The following TIAL1 variants were observed in gnomAD, a reference collection of about 807,000 sequenced individuals.
The protein encoded by TIAL1 is TIA1 cytotoxic granule associated RNA binding protein like 1, also known as nucleolysin TIAR.
In TIAL1, 7 loss-of-function variants were observed where a neutral mutation model predicts 59.7. The observed-to-expected ratio is 0.12, with a 90% CI of 0.07 to 0.22. The LOEUF is 0.22. Ranked by LOEUF, TIAL1 falls within the 10% of genes least tolerant of loss-of-function variation. The probability of loss-of-function intolerance (pLI) is 1.00; values close to 1 mark genes in which losing one functional copy is unlikely to be tolerated. For missense variants in TIAL1, 225 were observed against 462.5 expected, an observed-to-expected ratio of 0.49 and a Z score of 4.71; for synonymous variants, 149 against 146.3, an observed-to-expected ratio of 1.02 and a Z score of -0.13.
chr10:119,588,108 C>A, intron 2 of TIAL1, 44 bp downstream of exon 2: 1 of 1,161,500 alleles, frequency 8.6e-7, no homozygotes, highest in Admixed American at 2.5e-5. Context: ...TGCTAATCAA[C>A]CCATCATGCT....
chr10:119,579,791 C>A, intron 6 of TIAL1, 144 bp downstream of exon 6: 1 of 561,152 alleles, frequency 1.8e-6, no homozygotes, highest in Non-Finnish European at 3.0e-6. Context: ...AAATTATACT[C>A]TATTATTAAA....
chr10:119,577,415 A>G (rs762841448), intron 9 of TIAL1, 36 bp downstream of exon 9: 12 of 1,561,330 alleles, frequency 7.7e-6, no homozygotes, highest in Non-Finnish European at 9.7e-6. Context: ...TGAATCAAAT[A>G]TAAGAGTAAT....
intron 1 of TIAL1, among the ~76,000 whole-genome samples, chr10:119,594,173 T>C (rs1277502759): frequency 6.6e-6 from 1 of 152,144 alleles, no homozygotes; most frequent in Non-Finnish European, 1.5e-5. Context: ...AAGATGTTTA[T>C]TTATTCATAT....
intron 1 of TIAL1, chr10:119,593,477 T>G (rs1845993069): frequency 1.0e-6 from 1 of 985,720 alleles, no homozygotes; most frequent in Admixed American, 6.1e-5. Flanking sequence ...CATATTGTTT[T>G]CTGAAGATAG....
chr10:119,576,570 G>C (rs1464345888), intron 11 of TIAL1, 41 bp downstream of exon 11: 24 of 1,603,338 alleles, frequency 1.5e-5, no homozygotes, highest in Non-Finnish European at 2.0e-5. Context: ...TATTTTGTCA[G>C]AACCATACGT....
chr10:119,579,175 C>CA lies in TIAL1; in HGVS notation c.448-342dup, dbSNP rs201199661. On this transcript the variant is annotated intron_variant, in intron 6 of 11. Coordinates refer to ENST00000436547, the MANE Select transcript of TIAL1 (RefSeq NM_003252.4). ...AACCCAAGTGAAACCATGTCTCTACCAAAAATATAAAAATGAGCTGGGTGT... is the reference window on the plus strand; with the variant it reads ...AACCCAAGTGAAACCATGTCTCTACCAAAAAATATAAAAATGAGCTGGGTGT... Among the ~76,000 whole-genome samples, 1,191 of 151,918 alleles carry CA rather than the reference C, an allele frequency of 7.8e-3. 23 individuals are homozygous for CA. Among genetic ancestry groups the CA allele is most frequent in the African/African-American group, 0.028 (1,148 of 41,452 alleles).
chr10:119,574,308 C>G lies in TIAL1; in HGVS notation c.*1357G>C, dbSNP rs1844849771. On this transcript the variant is annotated 3_prime_UTR_variant, in exon 12 of 12. Coordinates refer to ENST00000436547, the MANE Select transcript of TIAL1 (RefSeq NM_003252.4). ...AAGCCTCTGCTCAGGCTTATTATACCATGCACACTGCCCACAAGGAAAAAA... is the reference window on the plus strand; with the variant it reads ...AAGCCTCTGCTCAGGCTTATTATACGATGCACACTGCCCACAAGGAAAAAA... 1 of 152,130 alleles carries G rather than the reference C, an allele frequency of 6.6e-6. No individual in the cohort carries two copies. Among genetic ancestry groups the G allele is most frequent in the African/African-American group, 2.4e-5 (1 of 41,498 alleles). The allele number at this position is 152,130 out of a possible 1,614,324, so 9.4% of individuals were successfully genotyped here.
chr10:119,582,242 T>C lies in TIAL1; in HGVS notation c.229-19A>G, dbSNP rs1202228198. 1 of 1,560,872 alleles carries C rather than the reference T, an allele frequency of 6.4e-7. No individual in the cohort carries two copies. Among genetic ancestry groups the C allele is most frequent in the South Asian group, 1.2e-5 (1 of 83,094 alleles). On this transcript the variant is annotated intron_variant, in intron 3 of 11. Transcript: ENST00000436547. This position sits in a 1 kb window ranked among gnomAD's most constrained non-coding sequence, Gnocchi z 5.1. ...TGACCTCCTAAAAATAAAGATTATA[T>C]TTAATAAAATTATTAGGCATGTCAT...
At chr10:119,589,098 G>C (rs1845720359) in intron 1 of TIAL1, among the ~76,000 whole-genome samples, 1 of 152,130 alleles carries the variant, frequency 6.6e-6, no homozygotes, top group Non-Finnish European at 1.5e-5. Flanking sequence ...TTGTTGTTTT[G>C]TTTTTGGCTG....
intron 6 of TIAL1, 93 bp from the exon 7 acceptor site, chr10:119,578,927 A>G: frequency 1.1e-6 from 1 of 896,120 alleles, no homozygotes; most frequent in South Asian, 1.5e-5. Flanking sequence ...CTGGTTCCAT[A>G]CAAATCAGTA....
Position 119,596,825 on chromosome 10 carries a change from C to T in TIAL1, c.-360G>A. On this transcript the variant is annotated 5_prime_UTR_variant, in exon 1 of 12. Transcript: ENST00000436547. Reference sequence around the variant, plus strand: ...AGGAAACCCTGGGACCCGCTCACGACGGATCACGTCGTCGCTGTGGGCCTC... The same window carrying T: ...AGGAAACCCTGGGACCCGCTCACGATGGATCACGTCGTCGCTGTGGGCCTC... 3.4e-6 allele frequency: 1 copy of T among 289,870 alleles called. No homozygotes were observed. The highest frequency in any genetic ancestry group is 6.6e-6 in the Non-Finnish European group (1 of 150,854). The allele number at this position is 289,870 out of a possible 1,614,324, so 18.0% of individuals were successfully genotyped here.
At chr10:119,595,452 AG>A (rs1846118470) in intron 1 of TIAL1, among the ~76,000 whole-genome samples, 1 of 151,046 alleles carries the variant, frequency 6.6e-6, no homozygotes, top group African/African-American at 2.4e-5. Flanking sequence ...AAAAAAAAAA[AG>A]ATGCAGAGAA....
intron 1 of TIAL1, among the ~76,000 whole-genome samples, chr10:119,589,622 G>GT (rs1000660400): frequency 2.4e-4 from 37 of 151,894 alleles, no homozygotes; most frequent in African/African-American, 8.0e-4. Context: ...AAAAATTTGG[G>GT]TTTTTTTTCC....
intron 2 of TIAL1, among the ~76,000 whole-genome samples, chr10:119,584,976 A>T (rs1006504180): frequency 1.3e-5 from 2 of 151,776 alleles, no homozygotes; most frequent in African/African-American, 4.8e-5. Flanking sequence ...AAAAAATATT[A>T]GCTGGGCATG....
chr10:119,580,264 AG>A (rs1480693557), intron 5 of TIAL1: 3 of 410,822 alleles, frequency 7.3e-6, no homozygotes, highest in Non-Finnish European at 1.3e-5. Flanking sequence ...TCAAATTTGA[AG>A]ATTAATAGGA....
chr10:119,590,862 T>C (rs1589883366), intron 1 of TIAL1, among the ~76,000 whole-genome samples: 1 of 151,778 alleles, frequency 6.6e-6, no homozygotes, highest in Non-Finnish European at 1.5e-5. Flanking sequence ...TTATGCTCCT[T>C]GCCTAAAGGG....
At chr10:119,583,424 T>A (rs1419295779) in intron 2 of TIAL1, among the ~76,000 whole-genome samples, 1 of 152,198 alleles carries the variant, frequency 6.6e-6, no homozygotes, top group African/African-American at 2.4e-5. Flanking sequence ...TAGTACTACC[T>A]AAGCTATAGC....
At chr10:119,578,140 G>A (rs1201385909) in intron 7 of TIAL1, among the ~76,000 whole-genome samples, 1 of 144,520 alleles carries the variant, frequency 6.9e-6, no homozygotes, top group South Asian at 2.2e-4. Flanking sequence ...CAGGAGAATC[G>A]CTTGAACCTG....
At chr10:119,575,865 A>T (rs1844963859) in intron 11 of TIAL1, 74 bp from the exon 12 acceptor site, 1 of 1,427,762 alleles carries the variant, frequency 7.0e-7, no homozygotes, top group Non-Finnish European at 9.3e-7. Flanking sequence ...ACAAAAATCA[A>T]GCAGAGCCTA....
Sources: allele counts gnomAD v4.1 joint callset (sites outside exome capture counted in the v4.1 genomes callset), GRCh38; gene constraint gnomAD v4.1.1; non-coding constraint Gnocchi (gnomAD v3.1); transcripts MANE v1.5; gene names NCBI Gene and HGNC (gene_info 2026-07-23, HGNC 2026-07-21).